Variants in CDH13 observed in about 807,000 individuals in gnomAD.
CDH13 encodes cadherin-13.
Under a neutral mutation model 63.8 loss-of-function variants are expected in CDH13, and 24 were observed. That is an observed-to-expected ratio of 0.38 (90% CI 0.27 to 0.53). The LOEUF is 0.53. Among genes scored for constraint, CDH13 ranks in the 20% least tolerant of loss-of-function variants. The pLI is 0.85. For missense variants in CDH13, 1,049 were observed against 903.1 expected, an observed-to-expected ratio of 1.16 and a Z score of -2.07; for synonymous variants, 503 against 355.3, an observed-to-expected ratio of 1.42 and a Z score of -4.67.
intron 8 of CDH13, among the ~76,000 whole-genome samples, chr16:83,646,517 A>C (rs938720836): frequency 2.6e-5 from 4 of 151,922 alleles, no homozygotes; most frequent in Non-Finnish European, 5.9e-5. Flanking sequence ...TCTGGCCAAA[A>C]TGGTGAAACC....
chr16:82,673,033 G>T (rs1335991057), intron 1 of CDH13, among the ~76,000 whole-genome samples: 3 of 104,878 alleles, frequency 2.9e-5, no homozygotes, highest in Admixed American at 1.0e-4. Context: ...GAGATGATGG[G>T]GTCTTCCTGT....
At chr16:82,963,204 C>T (rs900008849) in intron 2 of CDH13, among the ~76,000 whole-genome samples, 43 of 141,920 alleles carry the variant, frequency 3.0e-4, no homozygotes, top group Non-Finnish European at 6.1e-4. Flanking sequence ...AACCCCATCT[C>T]TACTAAAAAT....
intron 10 of CDH13, among the ~76,000 whole-genome samples, chr16:83,703,116 A>C (rs2150911112): frequency 6.6e-6 from 1 of 152,346 alleles, no homozygotes; most frequent in African/African-American, 2.4e-5. Context: ...TGCATCCCTA[A>C]GCCAAGGAAA....
At chr16:83,742,379 C>T (rs1478646865) in intron 10 of CDH13, among the ~76,000 whole-genome samples, 1 of 152,270 alleles carries the variant, frequency 6.6e-6, no homozygotes, top group East Asian at 1.9e-4. Context: ...CTCAGAGCAG[C>T]TTCTGTGAAG....
chr16:83,680,328 G>T (rs1007557682), intron 10 of CDH13, among the ~76,000 whole-genome samples: 1 of 152,172 alleles, frequency 6.6e-6, no homozygotes, highest in South Asian at 2.1e-4. Context: ...GTGATCAACC[G>T]GGATGATGTT....
intron 1 of CDH13, among the ~76,000 whole-genome samples, chr16:82,741,591 T>C (rs1472013412): frequency 6.6e-6 from 1 of 152,214 alleles, no homozygotes; most frequent in Non-Finnish European, 1.5e-5. Flanking sequence ...TCTCCATGCC[T>C]GTAACATGGT....
chr16:83,220,201 C>G (rs529746865), intron 5 of CDH13, among the ~76,000 whole-genome samples: 1 of 152,318 alleles, frequency 6.6e-6, no homozygotes, highest in South Asian at 2.1e-4. Context: ...AAGCTTCTTA[C>G]AGTTGCTGAA....
intron 5 of CDH13, among the ~76,000 whole-genome samples, chr16:83,244,642 C>T (rs185917403): frequency 1.3e-5 from 2 of 152,248 alleles, no homozygotes; most frequent in Non-Finnish European, 2.9e-5. Context: ...ATGGACTCTA[C>T]ATCTAGTTGC....
chr16:82,880,811 C>T (rs962147074), intron 2 of CDH13, among the ~76,000 whole-genome samples: 1 of 152,130 alleles, frequency 6.6e-6, no homozygotes, highest in African/African-American at 2.4e-5. Context: ...AGGCAAAGAA[C>T]ATCTTTAAGA....
chr16:82,862,510 G>A (rs142564621), intron 2 of CDH13, among the ~76,000 whole-genome samples: 4 of 152,318 alleles, frequency 2.6e-5, no homozygotes, highest in East Asian at 3.9e-4. Flanking sequence ...AGTCTTTGGT[G>A]TCCAGAAAGA....
At chr16:83,256,672 T>C (rs1373715409) in intron 5 of CDH13, among the ~76,000 whole-genome samples, 3 of 13,406 alleles carry the variant, frequency 2.2e-4, no homozygotes, top group African/African-American at 9.2e-4. Context: ...TCTACTAAAA[T>C]ACAAAAAAAA....
At chr16:82,709,395 A>T (rs2031742650) in intron 1 of CDH13, among the ~76,000 whole-genome samples, 1 of 152,194 alleles carries the variant, frequency 6.6e-6, no homozygotes, top group African/African-American at 2.4e-5. Flanking sequence ...AAAGCAACAG[A>T]TATGAAGCAG....
chr16:83,073,354 T>TGTGTGAGAGAGA lies in CDH13; in HGVS notation c.366+41137_366+41138insTGTGAGAGAGAG, dbSNP rs1311548254. 4.7e-3 allele frequency among the ~76,000 whole-genome samples: 656 copies of TGTGTGAGAGAGA among 139,830 alleles called. 9 individuals are homozygous for TGTGTGAGAGAGA. The East Asian group carries it at 0.052, about 11-fold the overall frequency. 91.7% of individuals were successfully genotyped at this position (139,830 alleles called of 152,430 possible). ...GTGTGTGTGTGTGTGTGTGTGTGTG[T>TGTGTGAGAGAGA]GAGAGAGAGAGAGAGAGAGAGAGCT... On this transcript the variant is annotated intron_variant, in intron 3 of 13. Coordinates refer to ENST00000567109, the MANE Select transcript of CDH13 (RefSeq NM_001257.5).
chr16:83,315,430 C>T (rs1172556424), intron 5 of CDH13, among the ~76,000 whole-genome samples: 1 of 152,184 alleles, frequency 6.6e-6, no homozygotes, highest in East Asian at 1.9e-4. Flanking sequence ...ATTTAAACCT[C>T]ACCTCCAACC....
intron 4 of CDH13, among the ~76,000 whole-genome samples, chr16:83,173,224 G>C (rs893161046): frequency 6.6e-6 from 1 of 152,112 alleles, no homozygotes; most frequent in Non-Finnish European, 1.5e-5. Context: ...CACTCTGCTG[G>C]TTGTGAATCC....
chr16:83,650,917 T>A (rs8055611), intron 8 of CDH13, among the ~76,000 whole-genome samples: 150,737 of 151,076 alleles, frequency 1, 75,199 homozygotes, highest in Middle Eastern at 1. Flanking sequence ...TATAAAAATT[T>A]TAAATATATA....
intron 2 of CDH13, among the ~76,000 whole-genome samples, chr16:83,025,013 C>A (rs917787579): frequency 5.3e-5 from 8 of 152,056 alleles, no homozygotes; most frequent in South Asian, 2.1e-4. Context: ...AGGTACCTGA[C>A]TAGAAGGAAT....
chr16:82,807,124 G>A (rs1033261469), intron 1 of CDH13, among the ~76,000 whole-genome samples: 1 of 136,668 alleles, frequency 7.3e-6, no homozygotes, highest in Non-Finnish European at 1.6e-5. Context: ...AACTTAAATT[G>A]CTTTTACTGA....
intron 5 of CDH13, among the ~76,000 whole-genome samples, chr16:83,281,237 G>A (rs148805224): frequency 1.1e-3 from 174 of 152,298 alleles, no homozygotes; most frequent in African/African-American, 4.0e-3. Context: ...ATCAGCACTC[G>A]CTGCTTCGCC....
Sources: allele counts gnomAD v4.1 joint callset (sites outside exome capture counted in the v4.1 genomes callset), GRCh38; gene constraint gnomAD v4.1.1; transcripts MANE v1.5; gene names NCBI Gene and HGNC (gene_info 2026-07-23, HGNC 2026-07-21).